ALK: variants seen among roughly 807,000 people sequenced by gnomAD.
ALK encodes the protein ALK tyrosine kinase receptor.
ALK carries 74 observed loss-of-function variants against 163.1 expected under a neutral mutation model. The ratio of observed to expected loss-of-function variants is 0.45; its 90% CI spans 0.38 to 0.55. The LOEUF is 0.55. ALK is among the 20% of genes least tolerant of loss of function. The pLI, the probability that ALK is intolerant of heterozygous loss-of-function variation, is 0.00. For synonymous variants in ALK, 960 were observed against 843.2 expected, an observed-to-expected ratio of 1.14 and a Z score of -2.40; for missense variants, 2,063 against 2,105.3, an observed-to-expected ratio of 0.98 and a Z score of 0.39.
At chr2:29,499,876 C>T (rs950912761) in intron 4 of ALK, among the ~76,000 whole-genome samples, 2 of 152,100 alleles carry the variant, frequency 1.3e-5, no homozygotes, top group African/African-American at 4.8e-5. Flanking sequence ...GCCAAGTATA[C>T]CTTCCCCTCT....
At chr2:29,718,843 T>C (rs1424616106) in intron 1 of ALK, among the ~76,000 whole-genome samples, 2 of 152,014 alleles carry the variant, frequency 1.3e-5, no homozygotes, top group African/African-American at 2.4e-5. Flanking sequence ...AGGGACTTTG[T>C]GAAGAGGAAA....
intron 1 of ALK, among the ~76,000 whole-genome samples, chr2:29,905,487 T>A (rs183184849): frequency 6.6e-6 from 1 of 152,002 alleles, no homozygotes; most frequent in Admixed American, 6.5e-5. Context: ...TCTTCCAAAT[T>A]ATGGTGTCAA....
At chr2:29,487,339 C>A (rs917041463) in intron 4 of ALK, among the ~76,000 whole-genome samples, 1 of 152,134 alleles carries the variant, frequency 6.6e-6, no homozygotes, top group African/African-American at 2.4e-5. Flanking sequence ...AAGGGAACCC[C>A]CATACCCCCA....
chr2:29,577,683 G>A (rs1674563204), intron 3 of ALK, among the ~76,000 whole-genome samples: 1 of 152,198 alleles, frequency 6.6e-6, no homozygotes, highest in Admixed American at 6.5e-5. Context: ...GCAAACACAG[G>A]AGTGACTGGC....
intron 3 of ALK, among the ~76,000 whole-genome samples, chr2:29,646,543 G>A (rs10190615): frequency 2.3e-4 from 35 of 152,044 alleles, no homozygotes; most frequent in Non-Finnish European, 3.4e-4. Context: ...TTTCCAAGAC[G>A]CTTACAGCCT....
At chr2:29,758,161 C>A (rs1277223027) in intron 1 of ALK, among the ~76,000 whole-genome samples, 3 of 152,084 alleles carry the variant, frequency 2.0e-5, no homozygotes, top group Admixed American at 2.0e-4. Flanking sequence ...CAGGCATGTG[C>A]CACCATACCT....
At chr2:29,918,685 C>T (rs995869823) in intron 1 of ALK, among the ~76,000 whole-genome samples, 2 of 152,188 alleles carry the variant, frequency 1.3e-5, no homozygotes, top group South Asian at 4.1e-4. Flanking sequence ...GAATATCCCT[C>T]CTGCATGAGA....
intron 13 of ALK, among the ~76,000 whole-genome samples, chr2:29,238,443 C>T (rs547109546): frequency 6.6e-6 from 1 of 152,240 alleles, no homozygotes; most frequent in East Asian, 1.9e-4. Context: ...GTGATCCTCC[C>T]GCTTTGGCCT....
At chr2:29,768,475 G>C (rs772240161) in intron 1 of ALK, among the ~76,000 whole-genome samples, 11 of 152,252 alleles carry the variant, frequency 7.2e-5, no homozygotes, top group Admixed American at 1.3e-4. Flanking sequence ...ATTTCCATAT[G>C]TCAGAAGATG....
Position 29,671,566 on chromosome 2 carries a change from C to G in ALK, c.952+23284G>C, listed in dbSNP as rs114549748. 4.7e-3 allele frequency among the ~76,000 whole-genome samples: 717 copies of G among 152,196 alleles called. 8 individuals carry two copies. Among genetic ancestry groups the G allele is most frequent in the African/African-American group, 0.015 (624 of 41,556 alleles). Reference sequence around the variant, plus strand: ...CTAAGAAGGTGGAGAAGCTGGTTGACCACCTCAATTTCAGTTTTTCCAGTG... The same window carrying G: ...CTAAGAAGGTGGAGAAGCTGGTTGAGCACCTCAATTTCAGTTTTTCCAGTG... On this transcript the variant is annotated intron_variant, in intron 3 of 28. Coordinates refer to ENST00000389048, the MANE Select transcript of ALK (RefSeq NM_004304.5).
At chr2:29,385,086 T>C (rs535611996) in intron 4 of ALK, among the ~76,000 whole-genome samples, 1 of 151,418 alleles carries the variant, frequency 6.6e-6, no homozygotes, top group Non-Finnish European at 1.5e-5. Context: ...TTTGGCTTAT[T>C]TATACATCTA....
At chr2:29,280,885 C>T (rs531155432) in intron 9 of ALK, among the ~76,000 whole-genome samples, 34 of 150,866 alleles carry the variant, frequency 2.3e-4, no homozygotes, top group African/African-American at 8.1e-4. Context: ...CACTCTGGGA[C>T]TGAGGGGAGG....
intron 5 of ALK, among the ~76,000 whole-genome samples, chr2:29,334,101 A>C (rs946464967): frequency 6.6e-6 from 1 of 152,142 alleles, no homozygotes; most frequent in African/African-American, 2.4e-5. Context: ...CTGGGGATCT[A>C]GATCTCACCA....
chr2:29,893,526 C>A (rs779727495), intron 1 of ALK, among the ~76,000 whole-genome samples: 1 of 152,098 alleles, frequency 6.6e-6, no homozygotes, highest in Non-Finnish European at 1.5e-5. Context: ...AACAACCTCC[C>A]GAATTTGATT....
At chr2:29,523,542 T>C (rs1299408832) in intron 4 of ALK, among the ~76,000 whole-genome samples, 1 of 152,196 alleles carries the variant, frequency 6.6e-6, no homozygotes, top group Non-Finnish European at 1.5e-5. Context: ...ACTAAAATTC[T>C]TGCACCTATT....
intron 2 of ALK, among the ~76,000 whole-genome samples, chr2:29,696,386 G>T (rs969913630): frequency 9.9e-5 from 15 of 152,172 alleles, no homozygotes; most frequent in Non-Finnish European, 1.6e-4. Context: ...GCCTGTCGAG[G>T]GGTGGGGGAC....
chr2:29,435,604 A>G (rs1670377580), intron 4 of ALK, among the ~76,000 whole-genome samples: 1 of 151,900 alleles, frequency 6.6e-6, no homozygotes, highest in Non-Finnish European at 1.5e-5. Context: ...AAATTTTATG[A>G]AGTCAATTCA....
intron 4 of ALK, among the ~76,000 whole-genome samples, chr2:29,428,473 A>G (rs953775456): frequency 3.9e-5 from 6 of 152,028 alleles, no homozygotes; most frequent in African/African-American, 1.4e-4. Flanking sequence ...TTATAAAGGA[A>G]TACTGTTTAA....
At chr2:29,647,761 G>A (rs1018240171) in intron 3 of ALK, among the ~76,000 whole-genome samples, 10 of 133,434 alleles carry the variant, frequency 7.5e-5, no homozygotes, top group East Asian at 2.3e-4. Flanking sequence ...CATGCACCAC[G>A]TTCATGATTT....
Sources: allele counts gnomAD v4.1 joint callset (sites outside exome capture counted in the v4.1 genomes callset), GRCh38; gene constraint gnomAD v4.1.1; transcripts MANE v1.5; gene names NCBI Gene and HGNC (gene_info 2026-07-23, HGNC 2026-07-21).